RANBP2: variants seen among roughly 807,000 people sequenced by gnomAD.
RANBP2 encodes E3 SUMO-protein ligase RanBP2.
RANBP2 carries 57 observed loss-of-function variants against 303.6 expected under a neutral mutation model. The observed-to-expected ratio is 0.19, with a 90% CI of 0.15 to 0.23. The LOEUF is 0.23. Ranked by LOEUF, RANBP2 falls within the 10% of genes least tolerant of loss-of-function variation. RANBP2 has a pLI of 1.00. For missense variants in RANBP2, 3,138 were observed against 3,780.8 expected, an observed-to-expected ratio of 0.83 and a Z score of 4.46; for synonymous variants, 1,167 against 1,301.5, an observed-to-expected ratio of 0.90 and a Z score of 2.23.
the RANBP2 span, among the ~76,000 whole-genome samples, chr2:109,454,807 G>T: frequency 2.0e-5 from 3 of 151,912 alleles, no homozygotes; most frequent in African/African-American, 7.3e-5. Context: ...GCCTTAGGTC[G>T]ACAACCCCAG....
At chr2:109,684,073 C>G in the RANBP2 span, among the ~76,000 whole-genome samples, 4 of 150,562 alleles carry the variant, frequency 2.7e-5, no homozygotes, top group Non-Finnish European at 5.9e-5. Context: ...TCCACAGTAG[C>G]TGGGATTACA....
the RANBP2 span, among the ~76,000 whole-genome samples, chr2:109,324,252 G>T: frequency 2.0e-5 from 3 of 152,160 alleles, no homozygotes; most frequent in Non-Finnish European, 4.4e-5. Flanking sequence ...CACCATCACA[G>T]GTAGTGCCCT....
the RANBP2 span, among the ~76,000 whole-genome samples, chr2:108,981,116 A>G: frequency 6.6e-6 from 1 of 152,136 alleles, no homozygotes; most frequent in Non-Finnish European, 1.5e-5. Context: ...TCGGAAATCC[A>G]CATAATATTC....
At chr2:109,395,912 G>A in the RANBP2 span, among the ~76,000 whole-genome samples, 1 of 152,192 alleles carries the variant, frequency 6.6e-6, no homozygotes, top group Non-Finnish European at 1.5e-5. Context: ...AACTCAAAAG[G>A]GTCACAGGAG....
the RANBP2 span, chr2:108,897,055 C>T: frequency 7.4e-6 from 12 of 1,614,004 alleles, no homozygotes; most frequent in East Asian, 2.2e-5. Context: ...CGTGCTGATG[C>T]GGTCAAAGAG....
the RANBP2 span, among the ~76,000 whole-genome samples, chr2:109,433,150 T>C: frequency 2.4e-4 from 36 of 152,202 alleles, no homozygotes; most frequent in African/African-American, 8.7e-4. Context: ...GGTGTGTGCG[T>C]GTGTGCATAA....
the RANBP2 span, among the ~76,000 whole-genome samples, chr2:108,911,979 C>A: frequency 1.3e-5 from 2 of 152,184 alleles, no homozygotes; most frequent in Non-Finnish European, 2.9e-5. Context: ...TTGAGCTACT[C>A]CCCCCGGGGC....
the RANBP2 span, among the ~76,000 whole-genome samples, chr2:109,661,244 G>T: frequency 5.5e-5 from 4 of 72,474 alleles, no homozygotes. Flanking sequence ...TTAGTAGAAG[G>T]GCTTTTTTTT....
At chr2:108,964,679 G>T in the RANBP2 span, among the ~76,000 whole-genome samples, 1 of 152,158 alleles carries the variant, frequency 6.6e-6, no homozygotes, top group African/African-American at 2.4e-5. Context: ...AGTGCTGAAG[G>T]CGTGTCCACA....
At chr2:108,855,790 G>T in the RANBP2 span, among the ~76,000 whole-genome samples, 1 of 152,124 alleles carries the variant, frequency 6.6e-6, no homozygotes, top group Non-Finnish European at 1.5e-5. Flanking sequence ...TATTATGTAA[G>T]CTGAAACAGC....
the RANBP2 span, among the ~76,000 whole-genome samples, chr2:109,200,102 T>A: frequency 6.6e-6 from 1 of 152,116 alleles, no homozygotes; most frequent in African/African-American, 2.4e-5. Context: ...CAAGCCCTAG[T>A]GATGTGGAGG....
chr2:108,945,178 G>A, the RANBP2 span, among the ~76,000 whole-genome samples: 2 of 152,180 alleles, frequency 1.3e-5, no homozygotes, highest in African/African-American at 4.8e-5. Flanking sequence ...AGGGCACTCA[G>A]CCAAGCCCAG....
the RANBP2 span, among the ~76,000 whole-genome samples, chr2:109,489,966 G>C: frequency 2.0e-5 from 3 of 152,188 alleles, no homozygotes; most frequent in Non-Finnish European, 2.9e-5. Flanking sequence ...TCGAACTCCT[G>C]ACCTCAAGTG....
At chr2:109,143,018 G>A in the RANBP2 span, among the ~76,000 whole-genome samples, 1 of 152,166 alleles carries the variant, frequency 6.6e-6, no homozygotes, top group Non-Finnish European at 1.5e-5. Flanking sequence ...CTAGAGATGA[G>A]GAAAGGGAAA....
the RANBP2 span, among the ~76,000 whole-genome samples, chr2:109,101,774 C>A: frequency 6.6e-6 from 1 of 152,120 alleles, no homozygotes; most frequent in Non-Finnish European, 1.5e-5. Flanking sequence ...CCGGAGAGAG[C>A]CGAGCAGGGG....
At chr2:109,053,271 G>T in the RANBP2 span, among the ~76,000 whole-genome samples, 1 of 152,202 alleles carries the variant, frequency 6.6e-6, no homozygotes, top group Admixed American at 6.5e-5. Flanking sequence ...CGAAACACTC[G>T]GGCAAGAGAG....
the RANBP2 span, among the ~76,000 whole-genome samples, chr2:109,534,541 A>G: frequency 3.3e-5 from 5 of 152,198 alleles, no homozygotes; most frequent in Admixed American, 6.5e-5. Context: ...GCACTTTGGG[A>G]GGCCGAGGTG....
chr2:108,786,236 C>T (rs1678671337), downstream of RANBP2, among the ~76,000 whole-genome samples: 1 of 147,848 alleles, frequency 6.8e-6, no homozygotes, highest in Non-Finnish European at 1.5e-5. Flanking sequence ...TCTGCAATGT[C>T]TATGCTCAGC....
chr2:109,553,941 T>A, the RANBP2 span, among the ~76,000 whole-genome samples: 1 of 152,144 alleles, frequency 6.6e-6, no homozygotes, highest in Non-Finnish European at 1.5e-5. Context: ...ACTGTAACTT[T>A]AAGTGAAGCA....
Sources: gnomAD v4.1 joint callset for allele counts (sites outside exome capture counted in the v4.1 genomes callset) on GRCh38, gnomAD v4.1.1 for gene constraint, MANE v1.5 for transcripts, NCBI Gene and HGNC (gene_info 2026-07-23, HGNC 2026-07-21) for gene names.